The following SLC19A1 variants were observed in gnomAD, a reference collection of about 807,000 sequenced individuals.
SLC19A1 encodes the protein solute carrier family 19 member 1.
In SLC19A1, 37 loss-of-function variants were observed where a neutral mutation model predicts 35.3. The observed-to-expected ratio is 1.05, with a 90% confidence interval of 0.81 to 1.38. SLC19A1 has a LOEUF of 1.38. SLC19A1 is among the 40% of genes most tolerant of loss of function. The pLI, the probability that SLC19A1 is intolerant of heterozygous loss-of-function variation, is 0.00. For missense variants in SLC19A1, 831 were observed against 826.9 expected (o/e 1.00, Z -0.06); for synonymous variants, 460 against 398.5 (o/e 1.15, Z -1.84).
Position 45,512,935 on chromosome 21 carries a change from C to A in SLC19A1, c.*2723G>T. 1 of 188,840 alleles carries A rather than the reference C, an allele frequency of 5.3e-6. No homozygotes were observed. The highest frequency in any genetic ancestry group is 1.1e-5 in the Non-Finnish European group (1 of 88,928). The allele number at this position is 188,840 out of a possible 1,614,324, so 11.7% of individuals were successfully genotyped here. A position where few individuals can be genotyped will look rare whatever the true frequency, so the allele number is the denominator to read the frequency against. On this transcript the variant is annotated 3_prime_UTR_variant, in exon 6 of 6. Transcript: ENST00000311124. ...GGGAGGGAGGCTCAGGTCCCTGGGG[C>A]TAGGGGGAGCCCCTTCTGCTCAGCT...
In SLC19A1 at chr21:45,534,718, T is replaced by C. The variant is rs2078050655; in HGVS notation, c.190-2570A>G. On this transcript the variant is annotated intron_variant, in intron 2 of 5. Transcript: ENST00000311124. The surrounding 1 kb of genome is among the most constrained non-coding windows in gnomAD (Gnocchi z 4.2). ...CCTCCTCAACGGCCCCTACTCCCTC[T>C]TCCTCAGCCTTGGCAGGCAGACAGC... The C allele has an allele frequency of 1.2e-6, 1 of 823,326 alleles. No homozygotes were observed. The highest frequency in any genetic ancestry group is 2.7e-5 in the East Asian group (1 of 36,998). The allele number at this position is 823,326 out of a possible 1,614,324, so 51.0% of individuals were successfully genotyped here. A position where few individuals can be genotyped will look rare whatever the true frequency, so the allele number is the denominator to read the frequency against.
Position 45,514,859 on chromosome 21 carries a change from C to G in SLC19A1, c.*799G>C, listed in dbSNP as rs1231002677. 3 of 775,706 alleles carry G rather than the reference C, an allele frequency of 3.9e-6. No individual in the cohort carries two copies. Among genetic ancestry groups the G allele is most frequent in the Admixed American group, 3.7e-5 (1 of 26,846 alleles). 48.1% of individuals were successfully genotyped at this position (775,706 alleles called of 1,614,324 possible). On this transcript the variant is annotated 3_prime_UTR_variant, in exon 6 of 6. Transcript: ENST00000311124. The stretch of plus-strand genomic sequence containing the variant: ...CAGCGCCCACCACAAAGGCAGCCCC[C>G]CCAAGGCTGCCCAGCCCAGGCAAGC...
At chr21:45,502,954 A>G (rs992484251) in intron 3 of SLC19A1, 3 of 152,198 alleles carry the variant, frequency 2.0e-5, no homozygotes, top group Non-Finnish European at 2.9e-5. Flanking sequence ...CAGTCTAGAA[A>G]AACCACCACC....
At chr21:45,509,420 G>A (rs374207420), downstream of SLC19A1, 604 of 1,538,630 alleles carry the variant, frequency 3.9e-4, 3 homozygotes, top group African/African-American at 6.5e-3. Context: ...CCCTACCCGC[G>A]GCGGGAGCAC....
At chr21:45,503,901 G>A (rs866014617) in intron 3 of SLC19A1, 46 of 1,121,746 alleles carry the variant, frequency 4.1e-5, no homozygotes, top group Middle Eastern at 2.0e-4. Context: ...TCTCTACCGC[G>A]AAATGGCTAG....
chr21:45,509,209 C>T, downstream of SLC19A1: 1 of 1,119,114 alleles, frequency 8.9e-7, no homozygotes, highest in East Asian at 2.6e-5. Flanking sequence ...GCCTACACCC[C>T]CAGGGCAGCC....
At position 45,515,078 on chromosome 21, in the gene SLC19A1, T is replaced by C. The variant is rs2037824169; in HGVS notation, c.*580A>G. The C allele has an allele frequency of 6.5e-7, 1 of 1,546,152 alleles. No homozygotes were observed. The highest frequency in any genetic ancestry group is 8.7e-7 in the Non-Finnish European group (1 of 1,145,616). On this transcript the variant is annotated 3_prime_UTR_variant, in exon 6 of 6. Coordinates refer to ENST00000311124, the MANE Select transcript of SLC19A1 (RefSeq NM_194255.4). ...GAGGACCAGAGCCGCTGCTCCCCTC[T>C]GATGACAATGTGTCTGCCGCCAACC... is the stretch of plus-strand genomic sequence containing the variant.
chr21:45,510,946 CCCACAACA>C (rs2037545680), downstream of SLC19A1, among the ~76,000 whole-genome samples: 2 of 57,412 alleles, frequency 3.5e-5, no homozygotes, highest in Non-Finnish European at 6.1e-5. Context: ...AAAACACACA[CCCACAACA>C]CCCCACATAC....
downstream of SLC19A1, chr21:45,512,305 G>T (rs757683615): frequency 3.1e-6 from 5 of 1,612,386 alleles, no homozygotes; most frequent in African/African-American, 1.3e-5. Context: ...CCTCGCTGCT[G>T]GGGGGCAGGC....
intron 1 of SLC19A1, chr21:45,541,867 T>G (rs1240308501): frequency 1.3e-5 from 2 of 152,146 alleles, no homozygotes; most frequent in Non-Finnish European, 2.9e-5. Context: ...GGGTGGGACT[T>G]GGCGCCCCAG....
chr21:45,525,741 C>T (rs994459559), intron 5 of SLC19A1, 76 bp downstream of exon 5: 40 of 1,525,706 alleles, frequency 2.6e-5, no homozygotes, highest in Non-Finnish European at 3.0e-5. Context: ...CCACATCAGG[C>T]GGGCACCAGG....
chr21:45,520,232 GA>G (rs1468843910), intron 5 of SLC19A1, among the ~76,000 whole-genome samples: 1 of 151,906 alleles, frequency 6.6e-6, no homozygotes, highest in African/African-American at 2.4e-5. Context: ...TAGAAAAGAG[GA>G]AAAGTCTCAA....
chr21:45,553,000 G>A (rs957837394), intron 1 of SLC19A1, among the ~76,000 whole-genome samples: 4 of 152,088 alleles, frequency 2.6e-5, no homozygotes, highest in African/African-American at 7.2e-5. Flanking sequence ...AAGACCTCGC[G>A]CAATGGAAGC....
chr21:45,544,918 G>T (rs1214469653), upstream of SLC19A1, among the ~76,000 whole-genome samples: 1 of 151,996 alleles, frequency 6.6e-6, no homozygotes, highest in Non-Finnish European at 1.5e-5. Flanking sequence ...GAGACCAACC[G>T]GCCAGTCCTC....
At chr21:45,525,514 G>A (rs1180316585) in intron 5 of SLC19A1, among the ~76,000 whole-genome samples, 1 of 152,272 alleles carries the variant, frequency 6.6e-6, no homozygotes, top group Non-Finnish European at 1.5e-5. Flanking sequence ...AGGACACCAA[G>A]TTCCGGCAGC....
At chr21:45,527,520 C>A (rs1319514885) in intron 4 of SLC19A1, among the ~76,000 whole-genome samples, 12 of 135,878 alleles carry the variant, frequency 8.8e-5, no homozygotes, top group South Asian at 2.3e-4. Flanking sequence ...GAGTGGCAGC[C>A]GGGCAGGGCG....
intron 1 of SLC19A1, among the ~76,000 whole-genome samples, chr21:45,556,681 G>A (rs1009951132): frequency 1.3e-5 from 2 of 152,350 alleles, no homozygotes; most frequent in East Asian, 1.9e-4. Context: ...GGACATGGCC[G>A]GAGCTGCCAC....
At chr21:45,503,585 A>G (rs949152624) in intron 3 of SLC19A1, among the ~76,000 whole-genome samples, 15 of 139,974 alleles carry the variant, frequency 1.1e-4, no homozygotes, top group African/African-American at 3.5e-4. Flanking sequence ...GAACTGAACA[A>G]TGAGATCACA....
At chr21:45,525,557 G>A (rs1249208881) in intron 5 of SLC19A1, among the ~76,000 whole-genome samples, 6 of 152,222 alleles carry the variant, frequency 3.9e-5, no homozygotes, top group Admixed American at 6.5e-5. Context: ...GGACAGCTCC[G>A]CCGTGGCGAG....
Sources: allele counts gnomAD v4.1 joint callset (sites outside exome capture counted in the v4.1 genomes callset), GRCh38; gene constraint gnomAD v4.1.1; non-coding constraint Gnocchi (gnomAD v3.1); transcripts MANE v1.5; gene names NCBI Gene and HGNC (gene_info 2026-07-23, HGNC 2026-07-21).